The following EYS variants were observed in gnomAD, a reference collection of about 807,000 sequenced individuals.
EYS encodes EGF-like photoreceptor maintenance factor, also known as protein eyes shut homolog.
In EYS, 250 loss-of-function variants were observed where a neutral mutation model predicts 282.1. The observed-to-expected ratio is 0.89, with a 90% confidence interval of 0.80 to 0.98. The LOEUF (loss-of-function observed/expected upper bound fraction) is 0.98. Ranked by LOEUF, EYS falls within the 50% of genes least tolerant of loss-of-function variation. EYS has a pLI of 0.00. For missense variants in EYS, 4,016 were observed against 3,709.0 expected (o/e 1.08, Z -2.15); for synonymous variants, 1,355 against 1,282.9 (o/e 1.06, Z -1.20).
intron 5 of EYS, among the ~76,000 whole-genome samples, chr6:65,486,910 C>T (rs1450776849): frequency 6.6e-6 from 1 of 151,976 alleles, no homozygotes; most frequent in Non-Finnish European, 1.5e-5. Context: ...AAGTTCTTTC[C>T]TAGGTATTTT....
chr6:64,402,172 A>C (rs1011145103), intron 28 of EYS, among the ~76,000 whole-genome samples: 2 of 152,166 alleles, frequency 1.3e-5, no homozygotes, highest in African/African-American at 4.8e-5. Flanking sequence ...AAAGTTTCTA[A>C]TATTTGCAGT....
At chr6:63,745,265 G>C (rs139635405) in intron 41 of EYS, among the ~76,000 whole-genome samples, 14 of 152,262 alleles carry the variant, frequency 9.2e-5, no homozygotes, top group Admixed American at 8.5e-4. Context: ...CTCAGTGAAA[G>C]GGTGAATTAG....
chr6:64,942,143 A>G (rs1485031045), intron 15 of EYS, among the ~76,000 whole-genome samples: 1 of 151,878 alleles, frequency 6.6e-6, no homozygotes, highest in Non-Finnish European at 1.5e-5. Context: ...CTTTTTAATA[A>G]TAACAATGCT....
At chr6:65,101,533 A>G (rs939114178) in intron 12 of EYS, among the ~76,000 whole-genome samples, 2 of 151,324 alleles carry the variant, frequency 1.3e-5, no homozygotes, top group Non-Finnish European at 3.0e-5. Flanking sequence ...AGAAAGAAAC[A>G]GCCAAATCTA....
chr6:65,229,666 C>T (rs1766718596), intron 12 of EYS, among the ~76,000 whole-genome samples: 1 of 151,834 alleles, frequency 6.6e-6, no homozygotes, highest in Admixed American at 6.6e-5. Context: ...AGTTTATACT[C>T]TTTCTAAGAC....
chr6:65,187,139 G>T (rs1434944149), intron 12 of EYS, among the ~76,000 whole-genome samples: 1 of 151,634 alleles, frequency 6.6e-6, no homozygotes, highest in Non-Finnish European at 1.5e-5. Context: ...AGTTTAAATT[G>T]TACCAAATTT....
chr6:65,425,118 G>T (rs187600494), intron 5 of EYS, among the ~76,000 whole-genome samples: 15 of 152,104 alleles, frequency 9.9e-5, no homozygotes, highest in Admixed American at 6.6e-4. Flanking sequence ...ATGTATATTT[G>T]ATTACAAAGG....
At chr6:65,049,382 T>C (rs924144663) in intron 13 of EYS, among the ~76,000 whole-genome samples, 17 of 151,916 alleles carry the variant, frequency 1.1e-4, no homozygotes, top group African/African-American at 4.1e-4. Context: ...GGAACATGTA[T>C]AATACGAGGA....
At chr6:63,897,044 G>A (rs1481364950) in intron 35 of EYS, among the ~76,000 whole-genome samples, 1 of 152,112 alleles carries the variant, frequency 6.6e-6, no homozygotes, top group African/African-American at 2.4e-5. Context: ...ATTACAATAT[G>A]CAGAAGTATA....
chr6:65,696,337 A>G (rs1383669554), intron 1 of EYS, among the ~76,000 whole-genome samples: 3 of 152,068 alleles, frequency 2.0e-5, no homozygotes, highest in South Asian at 2.1e-4. Context: ...AACTGATTCT[A>G]AAATACAATT....
chr6:65,355,386 A>AT (rs1355990611), intron 8 of EYS, among the ~76,000 whole-genome samples: 22 of 123,934 alleles, frequency 1.8e-4, no homozygotes, highest in African/African-American at 6.8e-4. Flanking sequence ...TAATTTCAGA[A>AT]TATCCTCTTC....
In EYS at chr6:65,384,370, G is replaced by A. The variant is rs2150351815; in HGVS notation, c.1299+16C>T. On this transcript the variant is annotated intron_variant, in intron 8 of 42. Transcript: ENST00000503581. ...TTGAAGGGCTAACTTATGTTGCCAT[G>A]TATTAAATTACTTACTTTGAATCTT... is the stretch of plus-strand genomic sequence containing the variant. 1 of 1,384,672 alleles carries A rather than the reference G, an allele frequency of 7.2e-7. No individual in the cohort carries two copies. Among genetic ancestry groups the A allele is most frequent in the Non-Finnish European group, 1.0e-6 (1 of 975,106 alleles). 85.8% of individuals were successfully genotyped at this position (1,384,672 alleles called of 1,614,324 possible).
At chr6:64,968,272 T>C (rs74869889) in intron 14 of EYS, among the ~76,000 whole-genome samples, 6,237 of 152,218 alleles carry the variant, frequency 0.041, 146 homozygotes, top group South Asian at 0.088. Context: ...TTTTTTTTTA[T>C]GGGAAGTTTA....
intron 29 of EYS, among the ~76,000 whole-genome samples, chr6:64,323,567 A>C (rs1770297718): frequency 6.6e-6 from 1 of 152,128 alleles, no homozygotes; most frequent in South Asian, 2.1e-4. Flanking sequence ...CATTTGTGTG[A>C]TATATTTGGG....
chr6:64,022,937 A>G (rs2149820964), intron 33 of EYS, among the ~76,000 whole-genome samples: 1 of 152,296 alleles, frequency 6.6e-6, no homozygotes, highest in African/African-American at 2.4e-5. Flanking sequence ...CTCAAATAAA[A>G]CGTTTTATAT....
chr6:64,958,156 A>G (rs974143992), intron 14 of EYS, among the ~76,000 whole-genome samples: 1 of 152,024 alleles, frequency 6.6e-6, no homozygotes, highest in Admixed American at 6.6e-5. Context: ...ATTACATATA[A>G]TTATAAATAT....
At chr6:65,118,337 C>G (rs912638587) in intron 12 of EYS, among the ~76,000 whole-genome samples, 6 of 146,196 alleles carry the variant, frequency 4.1e-5, no homozygotes, top group Admixed American at 4.1e-4. Flanking sequence ...AAAATGCATC[C>G]GAATTATGAA....
At chr6:64,353,261 G>A (rs910583113) in intron 29 of EYS, among the ~76,000 whole-genome samples, 2 of 151,496 alleles carry the variant, frequency 1.3e-5, no homozygotes, top group Non-Finnish European at 3.0e-5. Flanking sequence ...GTTGGAAATA[G>A]AAAAATTTAT....
chr6:63,936,721 A>G (rs1272362408), intron 35 of EYS, among the ~76,000 whole-genome samples: 1 of 152,226 alleles, frequency 6.6e-6, no homozygotes, highest in Non-Finnish European at 1.5e-5. Context: ...ATTTGATACT[A>G]AAAACATCAA....
Sources: gnomAD v4.1 joint callset for allele counts (sites outside exome capture counted in the v4.1 genomes callset) on GRCh38, gnomAD v4.1.1 for gene constraint, MANE v1.5 for transcripts, NCBI Gene and HGNC (gene_info 2026-07-23, HGNC 2026-07-21) for gene names.